The following CNTN3 variants were observed in gnomAD, a reference collection of about 807,000 sequenced individuals.
CNTN3 encodes the protein contactin-3.
CNTN3 carries 60 observed loss-of-function variants against 119.1 expected under a neutral mutation model. The observed-to-expected ratio is 0.50, with a 90% CI of 0.41 to 0.62. The LOEUF (loss-of-function observed/expected upper bound fraction) is 0.62, where lower values mean the gene tolerates loss of function less well. Ranked by LOEUF, CNTN3 falls within the 20% of genes least tolerant of loss-of-function variation. The pLI, the probability that CNTN3 is intolerant of heterozygous loss-of-function variation, is 0.00. For missense variants in CNTN3, 1,101 were observed against 1,242.4 expected (o/e 0.89, Z 1.71); for synonymous variants, 450 against 438.7 (o/e 1.03, Z -0.32).
intron 8 of CNTN3, among the ~76,000 whole-genome samples, chr3:74,366,658 C>A (rs565077197): frequency 1.3e-5 from 2 of 151,350 alleles, no homozygotes; most frequent in African/African-American, 2.4e-5. Flanking sequence ...ATTTCTAGCT[C>A]ATAAAATTAC....
chr3:74,551,246 T>TAG (rs773958170), intron 1 of CNTN3, among the ~76,000 whole-genome samples: 1 of 152,164 alleles, frequency 6.6e-6, no homozygotes, highest in Non-Finnish European at 1.5e-5. Context: ...AAAGACCACT[T>TAG]ATCTTAAATA....
Position 74,301,556 on chromosome 3 carries a change from G to A in CNTN3, c.1946-9C>T, listed in dbSNP as rs200079632. ...ATCGATGACCTCAGGCACTACAAAG[G>A]AATATTTCAGAGGTAAGAGTCTGCC... On this transcript the variant is annotated splice_polypyrimidine_tract_variant and intron_variant, in intron 15 of 22. Coordinates refer to ENST00000263665, the MANE Select transcript of CNTN3 (RefSeq NM_020872.3). 8.9e-5 allele frequency: 143 copies of A among 1,613,464 alleles called. No individual in the cohort carries two copies. In the Middle Eastern group the frequency reaches 2.1e-3, roughly 24 times the overall value.
chr3:74,547,410 G>A, intron 1 of CNTN3, among the ~76,000 whole-genome samples: 1 of 151,678 alleles, frequency 6.6e-6, no homozygotes, highest in Non-Finnish European at 1.5e-5. Flanking sequence ...ATTTATATGG[G>A]GTAGATTCCC....
chr3:74,350,636 C>T (rs1296183081), intron 11 of CNTN3, among the ~76,000 whole-genome samples: 2 of 152,126 alleles, frequency 1.3e-5, no homozygotes, highest in Non-Finnish European at 2.9e-5. Flanking sequence ...TTTATCACAG[C>T]ACTATTCCCA....
chr3:74,504,607 C>T lies in CNTN3; in HGVS notation c.56-4822G>A, dbSNP rs1703220518. 2.0e-5 allele frequency among the ~76,000 whole-genome samples: 3 copies of T among 152,246 alleles called. No homozygotes were observed. In the South Asian group the frequency reaches 6.2e-4, roughly 32 times the overall value. ...CAAAGTATTCGATCTTAGAATATTT[C>T]ATTTCTTTAACAAATATCTGAATGC... On this transcript the variant is annotated intron_variant, in intron 2 of 22. Coordinates refer to ENST00000263665, the MANE Select transcript of CNTN3 (RefSeq NM_020872.3).
At chr3:74,602,809 C>A (rs1292730209) in intron 1 of CNTN3, among the ~76,000 whole-genome samples, 1 of 152,146 alleles carries the variant, frequency 6.6e-6, no homozygotes, top group Non-Finnish European at 1.5e-5. Flanking sequence ...GAAAACTTGA[C>A]ATATGACCAG....
Position 74,457,693 on chromosome 3 carries a change from A to G in CNTN3, c.358+28763T>C, listed in dbSNP as rs558880133. On this transcript the variant is annotated intron_variant, in intron 4 of 22. Coordinates refer to ENST00000263665, the MANE Select transcript of CNTN3 (RefSeq NM_020872.3). ...AAATATTTTAAATTCAGCATCTATAAATGAAGTCAGAGAGAATATAAAATC... is the reference window on the plus strand; with the variant it reads ...AAATATTTTAAATTCAGCATCTATAGATGAAGTCAGAGAGAATATAAAATC... Among the ~76,000 whole-genome samples, 117 of 152,144 alleles carry G rather than the reference A, an allele frequency of 7.7e-4. No homozygotes were observed. The Middle Eastern group carries it at 0.01, about 13-fold the overall frequency.
Position 74,263,748 on chromosome 3 carries a change from T to C in CNTN3, c.*653A>G, listed in dbSNP as rs1489060598. The stretch of plus-strand genomic sequence containing the variant: ...AAAAACTAATTCATGGGGCAAAGTC[T>C]GATCAGATAGGTATTATTATCTCCA... On this transcript the variant is annotated 3_prime_UTR_variant, in exon 23 of 23. Transcript: ENST00000263665. The C allele has an allele frequency of 6.6e-6, 1 of 152,090 alleles. No homozygotes were observed. Among genetic ancestry groups the C allele is most frequent in the Non-Finnish European group, 1.5e-5 (1 of 67,990 alleles). The allele number at this position is 152,090 out of a possible 1,614,324, so 9.4% of individuals were successfully genotyped here. A position where few individuals can be genotyped will look rare whatever the true frequency, so the allele number is the denominator to read the frequency against.
At chr3:74,504,116 A>G (rs1170781644) in intron 2 of CNTN3, among the ~76,000 whole-genome samples, 1 of 152,206 alleles carries the variant, frequency 6.6e-6, no homozygotes, top group Non-Finnish European at 1.5e-5. Context: ...AAGAAATGAG[A>G]TTCCTAAAAG....
intron 13 of CNTN3, among the ~76,000 whole-genome samples, chr3:74,332,131 T>C (rs1010098801): frequency 3.9e-5 from 6 of 152,228 alleles, no homozygotes; most frequent in African/African-American, 1.2e-4. Context: ...CTTGTTCACA[T>C]TTTGCTGCTT....
intron 13 of CNTN3, among the ~76,000 whole-genome samples, chr3:74,315,083 T>A (rs1702795890): frequency 6.6e-6 from 1 of 152,200 alleles, no homozygotes; most frequent in Admixed American, 6.5e-5. Context: ...TCCTTGCTGC[T>A]TGTTATACCC....
chr3:74,525,781 T>C lies in CNTN3; in HGVS notation c.-80-4589A>G, dbSNP rs1044822568. 2.6e-5 allele frequency among the ~76,000 whole-genome samples: 4 copies of C among 151,864 alleles called. No homozygotes were observed. In the East Asian group the frequency reaches 5.8e-4, roughly 22 times the overall value. Reference sequence around the variant, plus strand: ...TCTTAATGTCAGCTGAGCTAAAAAATGCTAGACCTTGGACTCAAAACCAAA... The same window carrying C: ...TCTTAATGTCAGCTGAGCTAAAAAACGCTAGACCTTGGACTCAAAACCAAA... On this transcript the variant is annotated intron_variant, in intron 1 of 22. Transcript: ENST00000263665.
At chr3:74,360,394 C>T (rs888659693) in intron 11 of CNTN3, among the ~76,000 whole-genome samples, 2 of 152,262 alleles carry the variant, frequency 1.3e-5, no homozygotes, top group South Asian at 4.1e-4. Context: ...ATCCTAGAGT[C>T]AAACAGAATG....
intron 13 of CNTN3, among the ~76,000 whole-genome samples, chr3:74,314,575 TA>T (rs1410606184): frequency 6.6e-6 from 1 of 152,120 alleles, no homozygotes; most frequent in Admixed American, 6.5e-5. Context: ...CATTACATAA[TA>T]AAGGGACACT....
chr3:74,486,222 A>ACACACC (rs1553671210), intron 4 of CNTN3, among the ~76,000 whole-genome samples: 4 of 148,782 alleles, frequency 2.7e-5, no homozygotes, highest in African/African-American at 1.0e-4. Flanking sequence ...ACACACACAC[A>ACACACC]CCCCTACATG....
intron 1 of CNTN3, among the ~76,000 whole-genome samples, chr3:74,555,146 C>T (rs1217621394): frequency 1.3e-5 from 2 of 152,070 alleles, no homozygotes; most frequent in Admixed American, 6.5e-5. Context: ...TTGTCAAAGG[C>T]CTTTTCTGCA....
At chr3:74,580,362 ACACTTCTTAACT>A (rs1406956290) in intron 1 of CNTN3, among the ~76,000 whole-genome samples, 3 of 152,182 alleles carry the variant, frequency 2.0e-5, no homozygotes, top group African/African-American at 7.2e-5. Flanking sequence ...GGAAGAAGGA[ACACTTCTTAACT>A]CATTCTATGA....
intron 5 of CNTN3, among the ~76,000 whole-genome samples, chr3:74,424,135 T>C (rs953843826): frequency 1.3e-5 from 2 of 152,116 alleles, no homozygotes; most frequent in African/African-American, 2.4e-5. Flanking sequence ...TAATGCCCTC[T>C]TTGTTCCTGC....
At chr3:74,298,328 A>T in intron 17 of CNTN3, 137 bp from the exon 18 acceptor site, 1 of 492,480 alleles carries the variant, frequency 2.0e-6, no homozygotes, top group South Asian at 6.2e-5. Context: ...TGCATGAAAA[A>T]AGGAGAAAAA....
Sources: allele counts gnomAD v4.1 joint callset (sites outside exome capture counted in the v4.1 genomes callset), GRCh38; gene constraint gnomAD v4.1.1; transcripts MANE v1.5; gene names NCBI Gene and HGNC (gene_info 2026-07-23, HGNC 2026-07-21).